Variants in DNAH14 observed in about 807,000 individuals in gnomAD.
DNAH14 encodes dynein axonemal heavy chain 14.
A neutral mutation model predicts 520.9 loss-of-function variants in DNAH14; 478 were observed. The ratio of observed to expected loss-of-function variants is 0.92; its 90% CI spans 0.85 to 0.99. The LOEUF is 0.99. Among genes scored for constraint, DNAH14 ranks in the 50% least tolerant of loss-of-function variants. DNAH14 has a pLI of 0.00. For missense variants in DNAH14, 4,831 were observed against 5,234.5 expected, an observed-to-expected ratio of 0.92 and a Z score of 2.38; for synonymous variants, 1,581 against 1,757.2, an observed-to-expected ratio of 0.90 and a Z score of 2.51.
At chr1:224,964,670 T>A in intron 5 of DNAH14, 61 bp downstream of exon 5, 1 of 1,315,620 alleles carries the variant, frequency 7.6e-7, no homozygotes, top group South Asian at 1.8e-5. Context: ...TATATTTTAA[T>A]TTTTATTTCA....
At chr1:225,362,540 A>C (rs1452936991) in intron 75 of DNAH14, among the ~76,000 whole-genome samples, 1 of 149,428 alleles carries the variant, frequency 6.7e-6, no homozygotes, top group Non-Finnish European at 1.5e-5. Context: ...GTGCCACTGC[A>C]CTCCAGCCTG....
At chr1:225,222,007 G>A (rs536267803) in intron 41 of DNAH14, among the ~76,000 whole-genome samples, 5 of 152,128 alleles carry the variant, frequency 3.3e-5, no homozygotes, top group Admixed American at 1.3e-4. Context: ...TCACTCTCTC[G>A]GCTACTGGAC....
intron 81 of DNAH14, among the ~76,000 whole-genome samples, chr1:225,387,528 A>G (rs1190232028): frequency 6.6e-6 from 1 of 152,184 alleles, no homozygotes; most frequent in Non-Finnish European, 1.5e-5. Flanking sequence ...AAGAGGGCTG[A>G]AGGGATTCCA....
chr1:224,994,673 A>G (rs2063279041), intron 8 of DNAH14, among the ~76,000 whole-genome samples: 1 of 152,034 alleles, frequency 6.6e-6, no homozygotes, highest in South Asian at 2.1e-4. Context: ...TATTCAAGGT[A>G]ATTATGGACA....
intron 6 of DNAH14, among the ~76,000 whole-genome samples, chr1:224,968,192 T>C (rs919724066): frequency 1.3e-5 from 2 of 152,092 alleles, no homozygotes; most frequent in Non-Finnish European, 2.9e-5. Context: ...AGGAAAAACT[T>C]CTATAGATAT....
chr1:224,964,592 CAGA>C lies in DNAH14; in HGVS notation c.485_487del (p.Lys162del), dbSNP rs1256533188. The C allele has an allele frequency of 6.3e-7, 1 of 1,599,930 alleles. No individual in the cohort carries two copies. The highest frequency in any genetic ancestry group is 1.1e-5 in the South Asian group (1 of 87,636). On this transcript the variant is annotated inframe_deletion, in exon 5 of 86. Coordinates refer to ENST00000682510, the MANE Select transcript of DNAH14 (RefSeq NM_001367479.1). The stretch of plus-strand genomic sequence containing the variant: ...ATACGGAAGCTCCAAAATTGCAATT[CAGA>C]AGATTACTTTAAAGGTATTGTTCTA...
At chr1:225,017,793 A>T (rs565838845) in intron 10 of DNAH14, among the ~76,000 whole-genome samples, 1 of 152,366 alleles carries the variant, frequency 6.6e-6, no homozygotes, top group South Asian at 2.1e-4. Flanking sequence ...CATGCTGCCC[A>T]GGAGTGTTGA....
At chr1:225,060,621 TG>T (rs1334748717) in intron 17 of DNAH14, among the ~76,000 whole-genome samples, 20 of 151,220 alleles carry the variant, frequency 1.3e-4, no homozygotes, top group African/African-American at 4.9e-4. Flanking sequence ...TTTTCTGCTC[TG>T]TTTTTTCCCT....
At chr1:225,075,714 C>G (rs911737696) in intron 17 of DNAH14, among the ~76,000 whole-genome samples, 2 of 152,116 alleles carry the variant, frequency 1.3e-5, no homozygotes, top group African/African-American at 4.8e-5. Flanking sequence ...AATTATTTCT[C>G]AGTCAGTTCA....
At chr1:225,236,912 A>G (rs947633923) in intron 42 of DNAH14, among the ~76,000 whole-genome samples, 4 of 152,088 alleles carry the variant, frequency 2.6e-5, no homozygotes, top group East Asian at 1.9e-4. Context: ...TTTCATAATC[A>G]TATGTAATCA....
intron 74 of DNAH14, 32 bp from the exon 75 acceptor site, chr1:225,360,649 A>C (rs767867447): frequency 1.3e-5 from 20 of 1,512,652 alleles, no homozygotes; most frequent in Non-Finnish European, 1.8e-5. Context: ...ATGAGCTTAC[A>C]GTTTTATATA....
At chr1:225,273,458 T>C (rs1453305991) in intron 52 of DNAH14, among the ~76,000 whole-genome samples, 1 of 152,136 alleles carries the variant, frequency 6.6e-6, no homozygotes, top group African/African-American at 2.4e-5. Flanking sequence ...CAAAACAAAA[T>C]TGTTTTAAGT....
chr1:225,015,141 G>A (rs115616366), intron 10 of DNAH14, among the ~76,000 whole-genome samples: 124 of 152,066 alleles, frequency 8.2e-4, no homozygotes, highest in East Asian at 2.9e-3. Context: ...TTTTGTTTAC[G>A]TGGAGTATCT....
chr1:224,959,613 T>C (rs2060722124), intron 3 of DNAH14, among the ~76,000 whole-genome samples: 1 of 152,126 alleles, frequency 6.6e-6, no homozygotes, highest in Non-Finnish European at 1.5e-5. Context: ...ACCAATTAGG[T>C]AAGCCATAGA....
At chr1:225,125,547 G>T (rs968319690) in intron 27 of DNAH14, among the ~76,000 whole-genome samples, 1 of 152,172 alleles carries the variant, frequency 6.6e-6, no homozygotes, top group Non-Finnish European at 1.5e-5. Context: ...TTCTTCTGCA[G>T]CATTCCTTAT....
intron 17 of DNAH14, among the ~76,000 whole-genome samples, chr1:225,063,631 CAG>C (rs1031712001): frequency 5.3e-5 from 8 of 152,118 alleles, no homozygotes; most frequent in Admixed American, 5.2e-4. Context: ...CAAACAAAAA[CAG>C]AGACTCAGTT....
chr1:225,015,173 T>G (rs930949591), intron 10 of DNAH14, among the ~76,000 whole-genome samples: 1 of 152,182 alleles, frequency 6.6e-6, no homozygotes, highest in Non-Finnish European at 1.5e-5. Context: ...TCACTTTCAG[T>G]CTGTGCATGT....
chr1:224,994,061 GTCC>G (rs1375778910), intron 8 of DNAH14, among the ~76,000 whole-genome samples: 2 of 152,018 alleles, frequency 1.3e-5, no homozygotes, highest in African/African-American at 2.4e-5. Context: ...TACTGTTTCA[GTCC>G]TCCTAAAATT....
At chr1:224,961,869 A>G (rs2125564794) in intron 4 of DNAH14, among the ~76,000 whole-genome samples, 2 of 152,238 alleles carry the variant, frequency 1.3e-5, no homozygotes, top group East Asian at 3.9e-4. Context: ...TAGTGTAAGA[A>G]AGGCCAAAAA....
Sources: gnomAD v4.1 joint callset for allele counts (sites outside exome capture counted in the v4.1 genomes callset) on GRCh38, gnomAD v4.1.1 for gene constraint, MANE v1.5 for transcripts, NCBI Gene and HGNC (gene_info 2026-07-23, HGNC 2026-07-21) for gene names.